The following PABPC4L variants were observed in gnomAD, a reference collection of about 807,000 sequenced individuals.
PABPC4L encodes the protein poly(A) binding protein cytoplasmic 4 like.
For missense variants in PABPC4L, 452 were observed against 451.4 expected, an observed-to-expected ratio of 1.00 and a Z score of -0.01; for synonymous variants, 169 against 164.1, an observed-to-expected ratio of 1.03 and a Z score of -0.23.
the PABPC4L span, among the ~76,000 whole-genome samples, chr4:134,103,937 A>G: frequency 1.3e-5 from 2 of 151,602 alleles, no homozygotes; most frequent in East Asian, 3.9e-4. Context: ...TTTCCACATA[A>G]TACTGATGCC....
chr4:134,144,748 C>T, the PABPC4L span, among the ~76,000 whole-genome samples: 2 of 151,690 alleles, frequency 1.3e-5, no homozygotes, highest in Non-Finnish European at 3.0e-5. Context: ...TTTCATCAGA[C>T]AGTTTTCAAA....
At chr4:134,031,538 T>C in the PABPC4L span, among the ~76,000 whole-genome samples, 3 of 151,970 alleles carry the variant, frequency 2.0e-5, no homozygotes, top group Non-Finnish European at 4.4e-5. Flanking sequence ...TCTATGGTGT[T>C]CTTCTCTATC....
At chr4:133,999,699 G>A in the PABPC4L span, among the ~76,000 whole-genome samples, 3 of 151,806 alleles carry the variant, frequency 2.0e-5, no homozygotes, top group African/African-American at 7.3e-5. Flanking sequence ...AGTTTCCATG[G>A]GAGTACAGGA....
At chr4:134,195,322 TA>T (rs1729624409), downstream of PABPC4L, among the ~76,000 whole-genome samples, 1 of 151,772 alleles carries the variant, frequency 6.6e-6, no homozygotes, top group Non-Finnish European at 1.5e-5. Context: ...AAATTAAATG[TA>T]AATCAAAATT....
the PABPC4L span, among the ~76,000 whole-genome samples, chr4:134,120,069 A>G: frequency 3.3e-5 from 5 of 151,606 alleles, no homozygotes; most frequent in Non-Finnish European, 7.4e-5. Flanking sequence ...TGGTACATAT[A>G]TACATTTATG....
Position 134,200,147 on chromosome 4 carries a change from C to A in PABPC4L, c.873G>T (p.Gln291His), listed in dbSNP as rs1729802964. 2 of 1,551,556 alleles carry A rather than the reference C, an allele frequency of 1.3e-6. No homozygotes were observed. The highest frequency in any genetic ancestry group is 2.7e-5 in the African/African-American group (2 of 73,042). Residue 291 changes from glutamine to histidine, a missense_variant, in exon 2 of 2, where the codon CAG becomes CAT. By Grantham distance (24) the Gln-to-His change is conservative. Transcript: ENST00000421491. ...GGTTCTTAATATAGAGTTTTACCCCCTGGCACCCACGAATTCGTTCCCTTT... is the reference window on the plus strand; with the variant it reads ...GGTTCTTAATATAGAGTTTTACCCCATGGCACCCACGAATTCGTTCCCTTT... ...QLKRERIRGC[Q>H]GVKLYIKNLD... is the part of the protein sequence containing the mutation.
At chr4:133,977,196 T>C in the PABPC4L span, among the ~76,000 whole-genome samples, 2 of 152,110 alleles carry the variant, frequency 1.3e-5, no homozygotes, top group East Asian at 1.9e-4. Flanking sequence ...CTTGTTTTTG[T>C]CTTGTTTGTT....
the PABPC4L span, among the ~76,000 whole-genome samples, chr4:133,961,821 C>T: frequency 6.6e-6 from 1 of 152,170 alleles, no homozygotes; most frequent in African/African-American, 2.4e-5. Flanking sequence ...ATGTCCATTG[C>T]CGCTCCCAAT....
At chr4:134,007,899 T>A in the PABPC4L span, among the ~76,000 whole-genome samples, 1 of 151,778 alleles carries the variant, frequency 6.6e-6, no homozygotes, top group East Asian at 1.9e-4. Context: ...ACTGTTTTAC[T>A]GAAACTTTTA....
the PABPC4L span, among the ~76,000 whole-genome samples, chr4:134,028,685 G>A: frequency 1.2e-4 from 19 of 152,064 alleles, no homozygotes; most frequent in African/African-American, 4.6e-4. Context: ...GCAGAACAAT[G>A]TTAGCATGAG....
chr4:134,179,317 C>A, the PABPC4L span, among the ~76,000 whole-genome samples: 3 of 152,000 alleles, frequency 2.0e-5, no homozygotes, highest in African/African-American at 7.2e-5. Context: ...AAATAAGATC[C>A]TTTTCAGATA....
At chr4:133,999,317 C>T in the PABPC4L span, among the ~76,000 whole-genome samples, 2 of 152,030 alleles carry the variant, frequency 1.3e-5, no homozygotes, top group Non-Finnish European at 2.9e-5. Context: ...TTTTCAACCC[C>T]TACAGAAGCA....
chr4:134,067,315 A>AC, the PABPC4L span, among the ~76,000 whole-genome samples: 1 of 152,058 alleles, frequency 6.6e-6, no homozygotes, highest in Non-Finnish European at 1.5e-5. Flanking sequence ...TAGCTTACGT[A>AC]CATAGAGATG....
Position 134,198,410 on chromosome 4 carries a change from T to A in PABPC4L, c.*1497A>T, listed in dbSNP as rs974359320. On this transcript the variant is annotated 3_prime_UTR_variant, in exon 2 of 2. Coordinates refer to ENST00000421491, the MANE Select transcript of PABPC4L (RefSeq NM_001114734.2). ...AGAAAATGTGCAAAGAATATACATA[T>A]AATTTCTATAAAAATAAAAGGCAAC... 1 of 151,824 alleles carries A rather than the reference T, an allele frequency of 6.6e-6. No individual in the cohort carries two copies. The highest frequency in any genetic ancestry group is 6.6e-5 in the Admixed American group (1 of 15,254). 9.4% of individuals were successfully genotyped at this position (151,824 alleles called of 1,614,324 possible).
the PABPC4L span, among the ~76,000 whole-genome samples, chr4:134,189,274 G>C: frequency 6.6e-6 from 1 of 151,646 alleles, no homozygotes; most frequent in Non-Finnish European, 1.5e-5. Context: ...TACCAACATT[G>C]TTGTCATAGT....
the PABPC4L span, among the ~76,000 whole-genome samples, chr4:133,953,890 TC>T: frequency 6.6e-6 from 1 of 152,194 alleles, no homozygotes; most frequent in Admixed American, 6.5e-5. Context: ...TAAAAATTGA[TC>T]TAGCTGTTCT....
At chr4:134,028,155 A>C in the PABPC4L span, among the ~76,000 whole-genome samples, 2 of 152,122 alleles carry the variant, frequency 1.3e-5, no homozygotes, top group Non-Finnish European at 2.9e-5. Flanking sequence ...AACTCTAGAG[A>C]TAGGACTCCA....
the PABPC4L span, among the ~76,000 whole-genome samples, chr4:134,144,782 G>A: frequency 1.3e-5 from 2 of 151,518 alleles, no homozygotes; most frequent in South Asian, 2.1e-4. Flanking sequence ...TCTCAATTCA[G>A]TTACGTTAAA....
At chr4:134,126,327 C>T in the PABPC4L span, among the ~76,000 whole-genome samples, 2 of 152,158 alleles carry the variant, frequency 1.3e-5, no homozygotes, top group African/African-American at 4.8e-5. Flanking sequence ...CCTGCAAAGA[C>T]TGTAGAGACT....
Sources: allele counts gnomAD v4.1 joint callset (sites outside exome capture counted in the v4.1 genomes callset), GRCh38; gene constraint gnomAD v4.1.1; transcripts MANE v1.5; gene names NCBI Gene and HGNC (gene_info 2026-07-23, HGNC 2026-07-21).